The following REEP3 variants were observed in gnomAD, a reference collection of about 807,000 sequenced individuals.
The protein encoded by REEP3 is receptor accessory protein 3.
REEP3 carries 20 observed loss-of-function variants against 41.3 expected under a neutral mutation model. The observed-to-expected ratio is 0.48, with a 90% CI of 0.34 to 0.70. The LOEUF (loss-of-function observed/expected upper bound fraction) is 0.70, where lower values mean the gene tolerates loss of function less well. Ranked by LOEUF, REEP3 falls within the 30% of genes least tolerant of loss-of-function variation. The pLI, the probability that REEP3 is intolerant of heterozygous loss-of-function variation, is 0.01. For synonymous variants in REEP3, 104 were observed against 101.8 expected, an observed-to-expected ratio of 1.02 and a Z score of -0.13; for missense variants, 271 against 308.8, an observed-to-expected ratio of 0.88 and a Z score of 0.92.
intron 2 of REEP3, among the ~76,000 whole-genome samples, chr10:63,569,947 A>C (rs1955838138): frequency 6.6e-6 from 1 of 152,200 alleles, no homozygotes; most frequent in Non-Finnish European, 1.5e-5. Context: ...TCTCAAAAAA[A>C]ATACTAACAA....
At chr10:63,541,188 A>C (rs1159831211) in intron 1 of REEP3, among the ~76,000 whole-genome samples, 1 of 152,260 alleles carries the variant, frequency 6.6e-6, no homozygotes, top group Non-Finnish European at 1.5e-5. Flanking sequence ...CAGAATTATC[A>C]ATACCTTTAT....
intron 1 of REEP3, among the ~76,000 whole-genome samples, chr10:63,553,735 C>T (rs1457757950): frequency 6.6e-6 from 1 of 152,084 alleles, no homozygotes; most frequent in Non-Finnish European, 1.5e-5. Flanking sequence ...GGATGTATTT[C>T]AGGAGAGGAA....
chr10:63,596,032 A>G (rs1489662281), intron 3 of REEP3, among the ~76,000 whole-genome samples: 1 of 152,036 alleles, frequency 6.6e-6, no homozygotes, highest in African/African-American at 2.4e-5. Context: ...TCAAACCTTT[A>G]CTATTCTCTC....
intron 2 of REEP3, among the ~76,000 whole-genome samples, chr10:63,592,339 A>G (rs1956071793): frequency 6.6e-6 from 1 of 152,222 alleles, no homozygotes; most frequent in South Asian, 2.1e-4. Flanking sequence ...CTTCTCATAG[A>G]ACACAAGGGT....
intron 2 of REEP3, among the ~76,000 whole-genome samples, chr10:63,587,664 C>T (rs574848737): frequency 6.6e-6 from 1 of 152,326 alleles, no homozygotes; most frequent in South Asian, 2.1e-4. Context: ...CCATCTTCAA[C>T]ACATAGCTTC....
At chr10:63,557,520 G>A (rs983903330) in intron 1 of REEP3, among the ~76,000 whole-genome samples, 1 of 151,982 alleles carries the variant, frequency 6.6e-6, no homozygotes, top group African/African-American at 2.4e-5. Context: ...TTATTCTATT[G>A]TTTAAATTAA....
chr10:63,537,166 A>T (rs1371099571), intron 1 of REEP3, among the ~76,000 whole-genome samples: 1 of 152,230 alleles, frequency 6.6e-6, no homozygotes, highest in Admixed American at 6.5e-5. Context: ...AATATTATAC[A>T]ACAGGAACTA....
chr10:63,523,571 G>C (rs1296768514), intron 1 of REEP3, among the ~76,000 whole-genome samples: 1 of 152,200 alleles, frequency 6.6e-6, no homozygotes, highest in East Asian at 1.9e-4. Flanking sequence ...AGGAGGTCAA[G>C]GCTGCAGTGA....
intron 1 of REEP3, among the ~76,000 whole-genome samples, chr10:63,557,582 T>G (rs917396710): frequency 6.6e-6 from 1 of 152,194 alleles, no homozygotes; most frequent in Admixed American, 6.5e-5. Flanking sequence ...CAGGTGATTT[T>G]GACGTGTTGC....
At chr10:63,598,166 C>T (rs754157698) in intron 4 of REEP3, 22 bp downstream of exon 4, 57 of 1,528,632 alleles carry the variant, frequency 3.7e-5, no homozygotes, top group East Asian at 2.8e-4. Context: ...AAATTACTTC[C>T]GTAAATAATT....
intron 1 of REEP3, among the ~76,000 whole-genome samples, chr10:63,552,220 C>T (rs374468065): frequency 6.0e-4 from 91 of 150,702 alleles, no homozygotes; most frequent in African/African-American, 1.9e-3. Flanking sequence ...CTGGCTAACA[C>T]GGTGAAACCC....
chr10:63,545,348 A>C (rs957282394), intron 1 of REEP3, among the ~76,000 whole-genome samples: 4 of 152,120 alleles, frequency 2.6e-5, no homozygotes, highest in African/African-American at 9.7e-5. Context: ...TAGCCATCCT[A>C]CAGCGTTATA....
In REEP3 at chr10:63,619,820, GT is replaced by G; in HGVS notation, c.711+24del. 2 of 1,571,102 alleles carry G rather than the reference GT, an allele frequency of 1.3e-6. No individual in the cohort carries two copies. Among genetic ancestry groups the G allele is most frequent in the Non-Finnish European group, 1.7e-6 (2 of 1,156,058 alleles). ...AAAGAGGTTGGTTAAGTGTAGAGCTGTTTTCCTAATGATTAGTGAAGGATTT... is the reference window on the plus strand; with the variant it reads ...AAAGAGGTTGGTTAAGTGTAGAGCTGTTTCCTAATGATTAGTGAAGGATTT... On this transcript the variant is annotated intron_variant, in intron 7 of 7. Coordinates refer to ENST00000373758, the MANE Select transcript of REEP3 (RefSeq NM_001001330.3).
At chr10:63,543,392 C>A (rs1955547517) in intron 1 of REEP3, among the ~76,000 whole-genome samples, 2 of 151,858 alleles carry the variant, frequency 1.3e-5, no homozygotes, top group South Asian at 2.1e-4. Flanking sequence ...ATCTCCTGGG[C>A]TCAAGCCATC....
intron 1 of REEP3, among the ~76,000 whole-genome samples, chr10:63,544,630 C>CAGA (rs1292268324): frequency 1.3e-5 from 2 of 151,986 alleles, no homozygotes; most frequent in Non-Finnish European, 2.9e-5. Flanking sequence ...AAAGGGTGAA[C>CAGA]AGAGCACTTT....
At position 63,562,990 on chromosome 10, in the gene REEP3, G is replaced by T. The variant is rs1481393446; in HGVS notation, c.33-3348G>T. On this transcript the variant is annotated intron_variant, in intron 1 of 7. Coordinates refer to ENST00000373758, the MANE Select transcript of REEP3 (RefSeq NM_001001330.3). ...AGAGGGCCTTAATCCAGTATGATTG[G>T]CTTCCTTCTAAGAAGAGATTAGGCC... 3 of 456,360 alleles carry T rather than the reference G, an allele frequency of 6.6e-6. No individual in the cohort carries two copies. The Admixed American group carries it at 7.0e-5, about 11-fold the overall frequency. The allele number at this position is 456,360 out of a possible 1,614,324, so 28.3% of individuals were successfully genotyped here.
chr10:63,541,265 A>G (rs1955525997), intron 1 of REEP3, among the ~76,000 whole-genome samples: 1 of 152,168 alleles, frequency 6.6e-6, no homozygotes, highest in Non-Finnish European at 1.5e-5. Context: ...AGAATGGCGT[A>G]TGTCTACAAA....
intron 1 of REEP3, chr10:63,521,934 G>A (rs1955267670): frequency 6.6e-6 from 1 of 150,726 alleles, no homozygotes; most frequent in Non-Finnish European, 1.5e-5. Context: ...CCCGCGCAGC[G>A]CGGCACCGCC....
intron 5 of REEP3, among the ~76,000 whole-genome samples, chr10:63,608,461 A>G (rs1956248735): frequency 6.6e-6 from 1 of 152,182 alleles, no homozygotes. Context: ...TGTAAAATAT[A>G]AGTTAACTGT....
Sources: allele counts gnomAD v4.1 joint callset (sites outside exome capture counted in the v4.1 genomes callset), GRCh38; gene constraint gnomAD v4.1.1; transcripts MANE v1.5; gene names NCBI Gene and HGNC (gene_info 2026-07-23, HGNC 2026-07-21).